PPP1R16B: variants seen among roughly 807,000 people sequenced by gnomAD.
The protein encoded by PPP1R16B is protein phosphatase 1 regulatory subunit 16B.
A neutral mutation model predicts 61.7 loss-of-function variants in PPP1R16B; 14 were observed. The observed-to-expected ratio is 0.23, with a 90% CI of 0.15 to 0.35. PPP1R16B has a LOEUF of 0.35. PPP1R16B is among the 10% of genes least tolerant of loss of function. PPP1R16B has a pLI of 1.00. For synonymous variants in PPP1R16B, 266 were observed against 305.3 expected, an observed-to-expected ratio of 0.87 and a Z score of 1.34; for missense variants, 547 against 752.5, an observed-to-expected ratio of 0.73 and a Z score of 3.19.
Position 38,918,018 on chromosome 20 carries a change from GA to G in PPP1R16B, c.1195-135del. 1.6e-6 allele frequency: 2 copies of G among 1,220,600 alleles called. No individual in the cohort carries two copies. The highest frequency in any genetic ancestry group is 2.3e-6 in the Non-Finnish European group (2 of 875,974). The allele number at this position is 1,220,600 out of a possible 1,614,324, so 75.6% of individuals were successfully genotyped here. On this transcript the variant is annotated intron_variant, in intron 10 of 10. Coordinates refer to ENST00000299824, the MANE Select transcript of PPP1R16B (RefSeq NM_015568.4). The surrounding 1 kb of genome is among the most constrained non-coding windows in gnomAD (Gnocchi z 5.3). ...TTCATAGATTGGGGGTTCCCCAAAG[GA>G]AAACCCTGGCCCCGATACCCAGGGA... is the stretch of plus-strand genomic sequence containing the variant.
At chr20:38,895,000 C>T (rs1300143697) in intron 3 of PPP1R16B, among the ~76,000 whole-genome samples, 5 of 152,182 alleles carry the variant, frequency 3.3e-5, no homozygotes, top group Non-Finnish European at 5.9e-5. Flanking sequence ...CAGGGGGAGT[C>T]TTGGTTACCT....
intron 2 of PPP1R16B, among the ~76,000 whole-genome samples, chr20:38,855,974 A>AGCAGGAGGAGGAGGAGGAG (rs2085005071): frequency 8.3e-6 from 1 of 120,652 alleles, no homozygotes; most frequent in Non-Finnish European, 1.7e-5. Flanking sequence ...AGAGAGAGAG[A>AGCAGGAGGAGGAGGAGGAG]GAGAGAGAAG....
Position 38,866,296 on chromosome 20 carries a change from G to A in PPP1R16B, c.251-23299G>A, listed in dbSNP as rs147428039. Among the ~76,000 whole-genome samples the A allele has an allele frequency of 7.6e-3, 1,163 of 152,168 alleles. 9 individuals are homozygous for A. Among genetic ancestry groups the A allele is most frequent in the Middle Eastern group, 0.02 (6 of 294 alleles). ...TCTGTGGGCTGAGTGTCTGTGCAGCGGGAAGAAGGGGCACCTCTGGGTTCT... is the reference window on the plus strand; with the variant it reads ...TCTGTGGGCTGAGTGTCTGTGCAGCAGGAAGAAGGGGCACCTCTGGGTTCT... On this transcript the variant is annotated intron_variant, in intron 2 of 10. Coordinates refer to ENST00000299824, the MANE Select transcript of PPP1R16B (RefSeq NM_015568.4).
intron 7 of PPP1R16B, among the ~76,000 whole-genome samples, chr20:38,906,506 G>T (rs575127606): frequency 6.6e-6 from 1 of 152,166 alleles, no homozygotes; most frequent in East Asian, 1.9e-4. Flanking sequence ...TGTTGGTCAG[G>T]CTGGTCTCAA....
intron 3 of PPP1R16B, among the ~76,000 whole-genome samples, chr20:38,890,657 A>G (rs1256358472): frequency 1.3e-5 from 2 of 152,242 alleles, no homozygotes; most frequent in African/African-American, 4.8e-5. Flanking sequence ...AGGGCACAGC[A>G]CATACCTCTT....
intron 2 of PPP1R16B, among the ~76,000 whole-genome samples, chr20:38,863,496 T>A (rs2085068903): frequency 6.6e-6 from 1 of 152,242 alleles, no homozygotes; most frequent in South Asian, 2.1e-4. Context: ...GCCCACACCA[T>A]CTGCCTCCTT....
chr20:38,819,513 A>G, intron 1 of PPP1R16B, among the ~76,000 whole-genome samples: 1 of 152,276 alleles, frequency 6.6e-6, no homozygotes, highest in South Asian at 2.1e-4. Flanking sequence ...TATATTATGT[A>G]TATGACTATA....
chr20:38,853,499 G>A (rs117615107), intron 2 of PPP1R16B, among the ~76,000 whole-genome samples: 1 of 152,186 alleles, frequency 6.6e-6, no homozygotes, highest in African/African-American at 2.4e-5. Context: ...TCTTTCAAGA[G>A]AAGCTCAGGA....
At position 38,922,873 on chromosome 20, in the gene PPP1R16B, G is replaced by A. The variant is rs1016145159; in HGVS notation, c.*4207G>A. 1.3e-5 allele frequency: 2 copies of A among 152,382 alleles called. No individual in the cohort carries two copies. Among genetic ancestry groups the A allele is most frequent in the East Asian group, 1.9e-4 (1 of 5,204 alleles). The allele number at this position is 152,382 out of a possible 1,614,324, so 9.4% of individuals were successfully genotyped here. A position where few individuals can be genotyped will look rare whatever the true frequency, so the allele number is the denominator to read the frequency against. On this transcript the variant is annotated 3_prime_UTR_variant, in exon 11 of 11. Transcript: ENST00000299824. Reference sequence around the variant, plus strand: ...TAACTTCCACGTAGCCCCTTGCCACGCGGCACCGGTGGGCCTTGGGTCCAA... The same window carrying A: ...TAACTTCCACGTAGCCCCTTGCCACACGGCACCGGTGGGCCTTGGGTCCAA...
chr20:38,852,771 G>A (rs185143608), intron 2 of PPP1R16B, among the ~76,000 whole-genome samples: 4 of 70,196 alleles, frequency 5.7e-5, no homozygotes, highest in African/African-American at 1.2e-4. Flanking sequence ...TTTTTTTTGC[G>A]GGGGGTGGGG....
chr20:38,876,307 C>CT (rs2085166246), intron 2 of PPP1R16B, among the ~76,000 whole-genome samples: 1 of 152,130 alleles, frequency 6.6e-6, no homozygotes, highest in Non-Finnish European at 1.5e-5. Context: ...AAGCATTACC[C>CT]TGAGGATCAG....
At chr20:38,827,708 C>A (rs1343019627) in intron 1 of PPP1R16B, among the ~76,000 whole-genome samples, 2 of 152,038 alleles carry the variant, frequency 1.3e-5, no homozygotes, top group Non-Finnish European at 2.9e-5. Context: ...TTAGGGGAGA[C>A]AACATTGATT....
rs1228138949 is a variant in PPP1R16B at position 38,908,467 on chromosome 20, CAG to C, written c.1194+275_1194+276del. ...GCACACAGGTAGGTCTCCTAATTGA[CAG>C]GGGGTGAGTGTCCGCTATGCGCCTA... is the stretch of plus-strand genomic sequence containing the variant. On this transcript the variant is annotated intron_variant, in intron 10 of 10. Transcript: ENST00000299824. 2.0e-5 allele frequency among the ~76,000 whole-genome samples: 3 copies of C among 152,326 alleles called. No homozygotes were observed. The East Asian group carries it at 5.8e-4, about 29-fold the overall frequency.
chr20:38,840,246 AC>A (rs1370552733), intron 2 of PPP1R16B, among the ~76,000 whole-genome samples: 2 of 152,162 alleles, frequency 1.3e-5, no homozygotes, highest in African/African-American at 4.8e-5. Context: ...GTGTTAGCTC[AC>A]AGTGGCGTGG....
In PPP1R16B at chr20:38,900,623, A is replaced by G. The variant is rs1439659021; in HGVS notation, c.510A>G (p.Pro170=). The change falls in exon 5 of 11, where the codon CCA becomes CCG. Residue 170 remains proline, a synonymous_variant. Transcript: ENST00000299824. The stretch of plus-strand genomic sequence containing the variant: ...CTGTCAACTCGGATGGGAACATGCC[A>G]TATGACCTCTGCGAGGATGAACCCA... ...LLAVNSDGNM[P]YDLCEDEPTL... The G allele has an allele frequency of 6.3e-7, 1 of 1,599,090 alleles. No individual in the cohort carries two copies. Among genetic ancestry groups the G allele is most frequent in the Admixed American group, 1.7e-5 (1 of 57,212 alleles).
rs2085450947 is a variant in PPP1R16B at position 38,907,241 on chromosome 20, G to T, written c.898+187G>T. Among the ~76,000 whole-genome samples the T allele has an allele frequency of 6.6e-6, 1 of 152,146 alleles. No homozygotes were observed. The highest frequency in any genetic ancestry group is 1.9e-4 in the East Asian group (1 of 5,196). On this transcript the variant is annotated intron_variant, in intron 8 of 10. Coordinates refer to ENST00000299824, the MANE Select transcript of PPP1R16B (RefSeq NM_015568.4). This position sits in a 1 kb window ranked among gnomAD's most constrained non-coding sequence, Gnocchi z 4.5. ...CAGATTAATGGATAGATGGATAAAT[G>T]GATGAATGGATGGTTGAGGTGGTAG...
At chr20:38,883,968 G>C (rs2085222705) in intron 2 of PPP1R16B, among the ~76,000 whole-genome samples, 1 of 152,134 alleles carries the variant, frequency 6.6e-6, no homozygotes. Flanking sequence ...AGAATAAATG[G>C]GTCACTCTGA....
chr20:38,820,849 A>T (rs985846574), intron 1 of PPP1R16B, among the ~76,000 whole-genome samples: 1 of 151,676 alleles, frequency 6.6e-6, no homozygotes, highest in Non-Finnish European at 1.5e-5. Flanking sequence ...TGGCTAACAC[A>T]GTGAAACCCT....
At chr20:38,888,137 A>G (rs1270452755) in intron 2 of PPP1R16B, among the ~76,000 whole-genome samples, 2 of 152,218 alleles carry the variant, frequency 1.3e-5, no homozygotes, top group Non-Finnish European at 2.9e-5. Context: ...GCCCTGCCCT[A>G]TGGCATGAAC....
Sources: gnomAD v4.1 joint callset for allele counts (sites outside exome capture counted in the v4.1 genomes callset) on GRCh38, gnomAD v4.1.1 for gene constraint, Gnocchi (gnomAD v3.1) non-coding constraint, MANE v1.5 for transcripts, NCBI Gene and HGNC (gene_info 2026-07-23, HGNC 2026-07-21) for gene names.